Variants in ATP6V1A observed in about 807,000 individuals in gnomAD.
ATP6V1A encodes ATPase H+ transporting V1 subunit A.
A neutral mutation model predicts 70.1 loss-of-function variants in ATP6V1A; 18 were observed. That is an observed-to-expected ratio of 0.26 (90% CI 0.18 to 0.38). The LOEUF (loss-of-function observed/expected upper bound fraction) is 0.38. ATP6V1A is among the 10% of genes least tolerant of loss of function. ATP6V1A has a pLI of 1.00. For missense variants in ATP6V1A, 424 were observed against 772.4 expected (o/e 0.55, Z 5.35); for synonymous variants, 232 against 253.8 (o/e 0.91, Z 0.82).
intron 8 of ATP6V1A, among the ~76,000 whole-genome samples, chr3:113,790,041 C>T (rs9863050): frequency 1.3e-5 from 2 of 151,896 alleles, no homozygotes; most frequent in South Asian, 2.1e-4. Context: ...AGGCCCAGGC[C>T]GGCAGATCAC....
chr3:113,807,991 G>C (rs949901640), intron 14 of ATP6V1A, among the ~76,000 whole-genome samples: 1 of 151,890 alleles, frequency 6.6e-6, no homozygotes, highest in Non-Finnish European at 1.5e-5. Flanking sequence ...TTAGCTGGGC[G>C]TGATGGTGCA....
chr3:113,780,832 A>T, intron 2 of ATP6V1A: 1 of 1,334,462 alleles, frequency 7.5e-7, no homozygotes, highest in East Asian at 3.6e-5. Flanking sequence ...TTTCATGTAT[A>T]TTATGTAAAT....
intron 1 of ATP6V1A, among the ~76,000 whole-genome samples, chr3:113,771,912 A>G (rs891358779): frequency 4.6e-5 from 7 of 152,312 alleles, no homozygotes; most frequent in African/African-American, 9.6e-5. Flanking sequence ...TGCTTACGGT[A>G]GAGTGCTATA....
chr3:113,783,993 C>T (rs1709010738), intron 3 of ATP6V1A, among the ~76,000 whole-genome samples: 1 of 152,082 alleles, frequency 6.6e-6, no homozygotes. Flanking sequence ...GACGTATATA[C>T]ATATTAGGTT....
chr3:113,769,619 A>G (rs117243736), intron 1 of ATP6V1A, among the ~76,000 whole-genome samples: 1 of 152,300 alleles, frequency 6.6e-6, no homozygotes, highest in East Asian at 1.9e-4. Context: ...GAAATAATGA[A>G]ATTACCAGTT....
At chr3:113,795,460 T>C (rs1156966323) in intron 10 of ATP6V1A, among the ~76,000 whole-genome samples, 1 of 151,642 alleles carries the variant, frequency 6.6e-6, no homozygotes, top group Non-Finnish European at 1.5e-5. Context: ...ATTTATTTAA[T>C]TTTTATAATT....
chr3:113,805,567 C>T (rs770111916), intron 14 of ATP6V1A, 42 bp downstream of exon 14: 2 of 1,546,754 alleles, frequency 1.3e-6, no homozygotes, highest in Non-Finnish European at 8.8e-7. Context: ...TTTGGAAATG[C>T]TTCTTTTTTT....
rs543561864 is a variant in ATP6V1A, at chr3:113,794,984, A to G, written c.1101A>G (p.Glu367=). ...ALREISGRLA[E]MPADSGYPAY... ...GAGAAATCTCTGGTCGTTTAGCTGA[A>G]ATGCCTGCAGGTAAGTCTGTGTATT... Residue 367 remains glutamate (E), a synonymous_variant, in exon 9 of 15, where the codon GAA becomes GAG. Transcript: ENST00000273398. 2 of 1,613,694 alleles carry G rather than the reference A, an allele frequency of 1.2e-6. No individual in the cohort carries two copies. The highest frequency in any genetic ancestry group is 3.3e-5 in the Admixed American group (2 of 59,914).
intron 8 of ATP6V1A, among the ~76,000 whole-genome samples, chr3:113,790,293 ACT>A (rs1486079659): frequency 7.4e-6 from 1 of 134,566 alleles, no homozygotes; most frequent in Non-Finnish European, 1.5e-5. Context: ...ACAGAGCAAG[ACT>A]CTGTCTCAAA....
At chr3:113,797,027 C>A (rs948141362) in intron 11 of ATP6V1A, among the ~76,000 whole-genome samples, 1 of 152,154 alleles carries the variant, frequency 6.6e-6, no homozygotes, top group Admixed American at 6.5e-5. Flanking sequence ...CCTCCACCTC[C>A]CGGGTTCAAG....
intron 11 of ATP6V1A, among the ~76,000 whole-genome samples, chr3:113,796,751 A>G (rs1022402276): frequency 1.3e-5 from 2 of 152,234 alleles, no homozygotes; most frequent in African/African-American, 4.8e-5. Context: ...GGCTAAATGT[A>G]CAACTCTCAA....
chr3:113,769,101 TA>T (rs142605404), intron 1 of ATP6V1A, among the ~76,000 whole-genome samples: 6,864 of 152,192 alleles, frequency 0.045, 529 homozygotes, highest in African/African-American at 0.16. Flanking sequence ...CATAGTGAAA[TA>T]AATCTGCCAC....
intron 2 of ATP6V1A, among the ~76,000 whole-genome samples, chr3:113,780,375 A>G (rs1276547010): frequency 6.6e-6 from 1 of 152,226 alleles, no homozygotes. Flanking sequence ...TTTGCTTACT[A>G]GACCACATGG....
intron 1 of ATP6V1A, among the ~76,000 whole-genome samples, chr3:113,761,113 TC>T (rs1182909658): frequency 6.6e-6 from 1 of 151,662 alleles, no homozygotes; most frequent in African/African-American, 2.4e-5. Context: ...TTTTTTTTTT[TC>T]TTTTTTTTTG....
At chr3:113,765,087 T>A (rs1708753116) in intron 1 of ATP6V1A, among the ~76,000 whole-genome samples, 1 of 151,884 alleles carries the variant, frequency 6.6e-6, no homozygotes, top group Non-Finnish European at 1.5e-5. Context: ...TGACCAGAAA[T>A]TTTCCACTTC....
chr3:113,750,740 TA>T (rs1349535578), intron 1 of ATP6V1A, among the ~76,000 whole-genome samples: 3 of 152,190 alleles, frequency 2.0e-5, no homozygotes, highest in Admixed American at 6.5e-5. Flanking sequence ...AAAAAATTTT[TA>T]ATTAATTTTA....
chr3:113,787,298 C>T (rs1227959799), intron 6 of ATP6V1A, among the ~76,000 whole-genome samples: 1 of 152,188 alleles, frequency 6.6e-6, no homozygotes, highest in East Asian at 1.9e-4. Flanking sequence ...TAGTCCCAAA[C>T]TCCATGCCTG....
intron 5 of ATP6V1A, 131 bp downstream of exon 5, chr3:113,784,964 G>A (rs1165341539): frequency 3.4e-5 from 34 of 997,586 alleles, no homozygotes; most frequent in Non-Finnish European, 4.7e-5. Context: ...TATAATTTTT[G>A]AAAGTTTTTG....
chr3:113,768,592 CTTTTTTTT>C (rs34915547), intron 1 of ATP6V1A, among the ~76,000 whole-genome samples: 2 of 103,416 alleles, frequency 1.9e-5, no homozygotes, highest in African/African-American at 7.1e-5. Flanking sequence ...TAGCCTGTAT[CTTTTTTTT>C]TTTTTTTTTT....
Sources: allele counts gnomAD v4.1 joint callset (sites outside exome capture counted in the v4.1 genomes callset), GRCh38; gene constraint gnomAD v4.1.1; transcripts MANE v1.5; gene names NCBI Gene and HGNC (gene_info 2026-07-23, HGNC 2026-07-21).